GABRB1: variants seen among roughly 807,000 people sequenced by gnomAD.
The protein encoded by GABRB1 is gamma-aminobutyric acid receptor subunit beta-1.
Under a neutral mutation model 51.6 loss-of-function variants are expected in GABRB1, and 17 were observed. The ratio of observed to expected loss-of-function variants is 0.33; its 90% CI spans 0.23 to 0.49. GABRB1 has a LOEUF of 0.49. Among genes scored for constraint, GABRB1 ranks in the 20% least tolerant of loss-of-function variants. The pLI is 0.99. For synonymous variants in GABRB1, 247 were observed against 218.9 expected (o/e 1.13, Z -1.14); for missense variants, 410 against 600.6 (o/e 0.68, Z 3.32).
intron 3 of GABRB1, among the ~76,000 whole-genome samples, chr4:47,068,524 T>C (rs749659344): frequency 7.9e-5 from 12 of 152,140 alleles, no homozygotes; most frequent in Non-Finnish European, 1.3e-4. Context: ...CATTGTAGGG[T>C]TATTAACTGG....
At chr4:47,206,878 A>G (rs1578001067) in intron 4 of GABRB1, among the ~76,000 whole-genome samples, 3 of 151,638 alleles carry the variant, frequency 2.0e-5, no homozygotes, top group Admixed American at 6.6e-5. Flanking sequence ...GTGTGTGTGT[A>G]TGTATATATA....
At chr4:47,250,740 C>T (rs891292864) in intron 4 of GABRB1, among the ~76,000 whole-genome samples, 1 of 152,166 alleles carries the variant, frequency 6.6e-6, no homozygotes, top group African/African-American at 2.4e-5. Flanking sequence ...TTGTTTAAAT[C>T]TATTGCTGAG....
intron 3 of GABRB1, among the ~76,000 whole-genome samples, chr4:47,094,182 A>C (rs1435307067): frequency 6.6e-6 from 1 of 151,866 alleles, no homozygotes; most frequent in East Asian, 1.9e-4. Flanking sequence ...ATAGTTTTGA[A>C]AGAAAGTAAG....
intron 4 of GABRB1, among the ~76,000 whole-genome samples, chr4:47,192,170 G>A (rs1180973145): frequency 6.6e-6 from 1 of 151,918 alleles, no homozygotes; most frequent in African/African-American, 2.4e-5. Flanking sequence ...GTTTTCAAAA[G>A]AGAGATACTA....
intron 3 of GABRB1, among the ~76,000 whole-genome samples, chr4:47,040,767 C>T (rs920336549): frequency 6.6e-6 from 1 of 151,956 alleles, no homozygotes; most frequent in Non-Finnish European, 1.5e-5. Flanking sequence ...GAGTGAAATG[C>T]GTTGGTTAGA....
At chr4:47,070,665 G>A (rs930651869) in intron 3 of GABRB1, among the ~76,000 whole-genome samples, 1 of 152,096 alleles carries the variant, frequency 6.6e-6, no homozygotes, top group African/African-American at 2.4e-5. Context: ...TTGTCTATTT[G>A]TTATCCAAAA....
chr4:47,425,779 T>C lies in GABRB1; in HGVS notation c.1186T>C (p.Ser396Pro), dbSNP rs1469815884. 6.2e-7 allele frequency: 1 copy of C among 1,614,108 alleles called. No homozygotes were observed. The highest frequency in any genetic ancestry group is 8.5e-7 in the Non-Finnish European group (1 of 1,180,012). The change falls in exon 9 of 9, where the codon TCC (serine) becomes CCC (proline). Residue 396 changes from serine (S) to proline (P), a missense_variant. By Grantham distance (74) the Ser-to-Pro change is moderately conservative. Around this residue, in one of 5 missense-constraint regions of GABRB1, gnomAD observed 181 missense variants for 195.6 expected, o/e 0.93. Coordinates refer to ENST00000295454, the MANE Select transcript of GABRB1 (RefSeq NM_000812.4). The stretch of plus-strand genomic sequence containing the variant: ...GAGCGACCCCAAGGCCACCATGTAC[T>C]CCTATGACAGCGCCAGCATCCAGTA... ...SVSDPKATMY[S>P]YDSASIQYRK... is the part of the protein sequence containing the mutation.
At chr4:47,171,790 G>C (rs1032456164) in intron 4 of GABRB1, among the ~76,000 whole-genome samples, 4 of 151,988 alleles carry the variant, frequency 2.6e-5, no homozygotes, top group African/African-American at 9.7e-5. Context: ...AACACATGTT[G>C]CTTACATCAT....
intron 3 of GABRB1, among the ~76,000 whole-genome samples, chr4:47,139,427 A>G (rs915324904): frequency 2.6e-5 from 4 of 152,036 alleles, no homozygotes; most frequent in African/African-American, 9.7e-5. Flanking sequence ...CAGGACAAAC[A>G]AGGAAGCTGT....
At chr4:47,305,177 C>T (rs1322083020) in intron 4 of GABRB1, among the ~76,000 whole-genome samples, 1 of 152,068 alleles carries the variant, frequency 6.6e-6, no homozygotes, top group Non-Finnish European at 1.5e-5. Context: ...TCTCTCAAGC[C>T]ACAGGGTGTC....
upstream of GABRB1, among the ~76,000 whole-genome samples, chr4:47,026,684 T>C (rs1725107131): frequency 6.6e-6 from 1 of 152,028 alleles, no homozygotes; most frequent in Non-Finnish European, 1.5e-5. Flanking sequence ...TTGGATAGCA[T>C]GGTCTTCTGT....
chr4:47,238,926 TAGG>T (rs974918964), intron 4 of GABRB1, among the ~76,000 whole-genome samples: 4 of 152,180 alleles, frequency 2.6e-5, no homozygotes, highest in African/African-American at 9.7e-5. Context: ...TCAGCTATTG[TAGG>T]AGGAGCTTTG....
At chr4:47,076,612 A>G (rs931517592) in intron 3 of GABRB1, among the ~76,000 whole-genome samples, 1 of 151,850 alleles carries the variant, frequency 6.6e-6, no homozygotes, top group Non-Finnish European at 1.5e-5. Context: ...GAGGTTACCC[A>G]CCGCCCCTCT....
chr4:47,092,753 A>G (rs146236617), intron 3 of GABRB1, among the ~76,000 whole-genome samples: 2,338 of 151,946 alleles, frequency 0.015, 50 homozygotes, highest in African/African-American at 0.054. Flanking sequence ...CTGGGATTAC[A>G]GGTGCCCGCC....
At chr4:47,016,585 T>TTATTTATC (rs1176576374) in intron 1 of GABRB1, among the ~76,000 whole-genome samples, 2 of 151,680 alleles carry the variant, frequency 1.3e-5, no homozygotes, top group African/African-American at 4.8e-5. Flanking sequence ...ATTTATTTAT[T>TTATTTATC]TATCTATCTA....
At position 47,276,320 on chromosome 4, in the gene GABRB1, G is replaced by A. The variant is rs547312860; in HGVS notation, c.462-43807G>A. 2.0e-5 allele frequency among the ~76,000 whole-genome samples: 3 copies of A among 152,104 alleles called. No homozygotes were observed. In the South Asian group the frequency reaches 6.2e-4, roughly 32 times the overall value. ...AATATATTTACAATAATTATGTCTA[G>A]CATTATATTGAGCTGCAAAGAATTT... On this transcript the variant is annotated intron_variant, in intron 4 of 8. Coordinates refer to ENST00000295454, the MANE Select transcript of GABRB1 (RefSeq NM_000812.4).
At chr4:47,350,204 T>TAG (rs1329460051) in intron 5 of GABRB1, among the ~76,000 whole-genome samples, 1,059 of 93,040 alleles carry the variant, frequency 0.011, 5 homozygotes, top group Non-Finnish European at 0.016. Flanking sequence ...TATATATATA[T>TAG]ATATATATAT....
At chr4:47,127,249 A>G (rs1373750940) in intron 3 of GABRB1, among the ~76,000 whole-genome samples, 2 of 151,842 alleles carry the variant, frequency 1.3e-5, no homozygotes, top group Non-Finnish European at 3.0e-5. Flanking sequence ...TAATATCAAC[A>G]TGCTTATAAT....
At position 47,092,345 on chromosome 4, in the gene GABRB1, A is replaced by G. The variant is rs570576013; in HGVS notation, c.240+59861A>G. 6.0e-5 allele frequency among the ~76,000 whole-genome samples: 9 copies of G among 149,528 alleles called. No homozygotes were observed. In the East Asian group the frequency reaches 1.8e-3, roughly 30 times the overall value. On this transcript the variant is annotated intron_variant, in intron 3 of 8. Transcript: ENST00000295454. The stretch of plus-strand genomic sequence containing the variant: ...ACACCACCACGCCTGGACAATTTTT[A>G]TATTTTTAGTAGAGGTGGGGTTTCA...
Sources: gnomAD v4.1 joint callset for allele counts (sites outside exome capture counted in the v4.1 genomes callset) on GRCh38, gnomAD v4.1.1 for gene constraint, gnomAD v4.1.1 regional missense constraint, MANE v1.5 for transcripts, NCBI Gene and HGNC (gene_info 2026-07-23, HGNC 2026-07-21) for gene names.